TMEM26: variants seen among roughly 807,000 people sequenced by gnomAD.
TMEM26 encodes the protein transmembrane protein 26.
In TMEM26, 38 loss-of-function variants were observed where a neutral mutation model predicts 28.8. The observed-to-expected ratio is 1.32, with a 90% confidence interval of 1.02 to 1.73. TMEM26 has a LOEUF of 1.73. TMEM26 is among the 40% of genes most tolerant of loss of function. The pLI is 0.00. For synonymous variants in TMEM26, 227 were observed against 182.9 expected (o/e 1.24, Z -1.95); for missense variants, 518 against 447.1 (o/e 1.16, Z -1.43).
At chr10:61,431,753 G>A (rs1371851961) in intron 2 of TMEM26, among the ~76,000 whole-genome samples, 4 of 151,254 alleles carry the variant, frequency 2.6e-5, no homozygotes, top group Admixed American at 6.6e-5. Flanking sequence ...TTTAGGTTTT[G>A]GGGGTTCACG....
At chr10:61,451,855 G>A (rs1183274102) in intron 1 of TMEM26, among the ~76,000 whole-genome samples, 1 of 152,132 alleles carries the variant, frequency 6.6e-6, no homozygotes, top group African/African-American at 2.4e-5. Flanking sequence ...TTGTAGTTTA[G>A]TATGTAAAAC....
At position 61,420,474 on chromosome 10, in the gene TMEM26, G is replaced by A. The variant is rs181765800; in HGVS notation, c.606-6939C>T. 3.6e-3 allele frequency among the ~76,000 whole-genome samples: 553 copies of A among 152,108 alleles called. 1 individual carries two copies. Among genetic ancestry groups the A allele is most frequent in the Non-Finnish European group, 4.8e-3 (323 of 67,974 alleles). ...CAGTTCAAACTCATGTTATTCAAAG[G>A]TCAACTATAATGGCTAACTCTGGTC... On this transcript the variant is annotated intron_variant, in intron 4 of 5. Transcript: ENST00000399298.
rs199546375 is a variant in TMEM26, at chr10:61,410,556, C to T, written c.873G>A (p.Ala291=). The T allele has an allele frequency of 4.2e-5, 67 of 1,613,984 alleles. No homozygotes were observed. The Middle Eastern group carries it at 8.2e-4, about 20-fold the overall frequency. Residue 291 remains alanine (A), a synonymous_variant, in exon 6 of 6, where the codon GCG becomes GCA. Coordinates refer to ENST00000399298, the MANE Select transcript of TMEM26 (RefSeq NM_178505.8). ...VINQMLVFFA[A]KNFLVVVLQL... ...GCAACACCACCACGAGGAAGTTCTT[C>T]GCGGCAAAGAACACCAGCATCTGAT...
chr10:61,413,158 G>A (rs1457715816), intron 5 of TMEM26, among the ~76,000 whole-genome samples: 1 of 152,048 alleles, frequency 6.6e-6, no homozygotes, highest in Non-Finnish European at 1.5e-5. Context: ...AGAAAGCTGA[G>A]ACACAGATGT....
At chr10:61,420,676 C>A (rs1020710451) in intron 4 of TMEM26, among the ~76,000 whole-genome samples, 4 of 149,342 alleles carry the variant, frequency 2.7e-5, no homozygotes, top group African/African-American at 7.4e-5. Context: ...CTTTATATAG[C>A]AAAATTATCC....
intron 4 of TMEM26, among the ~76,000 whole-genome samples, chr10:61,418,201 G>T (rs1839685726): frequency 6.6e-6 from 1 of 151,936 alleles, no homozygotes; most frequent in Admixed American, 6.6e-5. Context: ...CAAGAACTAG[G>T]AAAACTTTTC....
At position 61,453,317 on chromosome 10, in the gene TMEM26, T is replaced by C. The variant is rs1840326876; in HGVS notation, c.-236A>G. On this transcript the variant is annotated 5_prime_UTR_variant, in exon 1 of 6. Coordinates refer to ENST00000399298, the MANE Select transcript of TMEM26 (RefSeq NM_178505.8). The stretch of plus-strand genomic sequence containing the variant: ...GAGTCCAAACCCAGCTTTTCCAGAC[T>C]GCTGGGTTTTCCAGGGAGTCTGGGG... 1 of 505,168 alleles carries C rather than the reference T, an allele frequency of 2.0e-6. No homozygotes were observed. Among genetic ancestry groups the C allele is most frequent in the Non-Finnish European group, 3.6e-6 (1 of 278,550 alleles). 31.3% of individuals were successfully genotyped at this position (505,168 alleles called of 1,614,324 possible). A position where few individuals can be genotyped will look rare whatever the true frequency, so the allele number is the denominator to read the frequency against.
chr10:61,444,746 TG>T (rs1840152198), intron 1 of TMEM26, among the ~76,000 whole-genome samples: 1 of 151,946 alleles, frequency 6.6e-6, no homozygotes. Context: ...ATGTAGTTAC[TG>T]TATACAAAAC....
chr10:61,429,128 T>C lies in TMEM26; in HGVS notation c.403A>G (p.Asn135Asp). 1 of 1,612,826 alleles carries C rather than the reference T, an allele frequency of 6.2e-7. No individual in the cohort carries two copies. The highest frequency in any genetic ancestry group is 8.5e-7 in the Non-Finnish European group (1 of 1,179,284). The change falls in exon 4 of 6, where the codon AAC (asparagine) becomes GAC (aspartate). Residue 135 changes from asparagine (N) to aspartate (D), a missense_variant. Asn to Asp is a conservative substitution (Grantham distance 23). Coordinates refer to ENST00000399298, the MANE Select transcript of TMEM26 (RefSeq NM_178505.8). ...LIETAKVFVN[N>D]LSTVCEKVWT... is the part of the protein sequence containing the mutation. ...ACTTTCTCACATACTGTAGATAAGT[T>C]ATTCACAAAAACTTTGGCCTGTTTA...
intron 4 of TMEM26, among the ~76,000 whole-genome samples, chr10:61,427,973 T>C (rs1184557379): frequency 6.6e-6 from 1 of 152,142 alleles, no homozygotes; most frequent in Non-Finnish European, 1.5e-5. Flanking sequence ...ATATGTCAAC[T>C]TAATAAGCTA....
rs1287980826 is a variant in TMEM26, at chr10:61,433,412, C to CT, written c.271-2081dup. Among the ~76,000 whole-genome samples, 5 of 152,002 alleles carry CT rather than the reference C, an allele frequency of 3.3e-5. No homozygotes were observed. In the East Asian group the frequency reaches 9.7e-4, roughly 29 times the overall value. On this transcript the variant is annotated intron_variant, in intron 2 of 5. Coordinates refer to ENST00000399298, the MANE Select transcript of TMEM26 (RefSeq NM_178505.8). ...ATAGATTATCTGGATACCAACATGC[C>CT]TTTTTTTAAAAAAAGGCTGTGTCTT... is the stretch of plus-strand genomic sequence containing the variant.
At chr10:61,452,830 G>C in intron 1 of TMEM26, 61 bp downstream of exon 1, 1 of 1,542,070 alleles carries the variant, frequency 6.5e-7, no homozygotes, top group Admixed American at 1.8e-5. Flanking sequence ...TGGCCTGCGA[G>C]TGCGGTGGGG....
At chr10:61,447,227 G>C (rs1840200090) in intron 1 of TMEM26, among the ~76,000 whole-genome samples, 1 of 152,210 alleles carries the variant, frequency 6.6e-6, no homozygotes, top group Admixed American at 6.5e-5. Context: ...GGAGGAGGAA[G>C]AGTTTTATTT....
intron 5 of TMEM26, among the ~76,000 whole-genome samples, chr10:61,412,559 T>A (rs903318468): frequency 1.3e-5 from 2 of 152,190 alleles, no homozygotes; most frequent in African/African-American, 4.8e-5. Context: ...AGAATTTCTT[T>A]GGAGTAAAGT....
At position 61,453,289 on chromosome 10, in the gene TMEM26, G is replaced by T; in HGVS notation, c.-208C>A. On this transcript the variant is annotated 5_prime_UTR_variant, in exon 1 of 6. Transcript: ENST00000399298. ...ACTTCCTGAGAACTCTTCAAAGAGGGGTGAGTCCAAACCCAGCTTTTCCAG... is the reference window on the plus strand; with the variant it reads ...ACTTCCTGAGAACTCTTCAAAGAGGTGTGAGTCCAAACCCAGCTTTTCCAG... 3.4e-6 allele frequency: 2 copies of T among 583,208 alleles called. No individual in the cohort carries two copies. Among genetic ancestry groups the T allele is most frequent in the Non-Finnish European group, 6.1e-6 (2 of 328,276 alleles). The allele number at this position is 583,208 out of a possible 1,614,324, so 36.1% of individuals were successfully genotyped here.
In TMEM26 at chr10:61,453,016, G is replaced by C; in HGVS notation, c.66C>G (p.Val22=). ...TCACCTCGGTCACTCGCCAGACCCC[G>C]ACCAGCGAGTGCAGCAGGAACAGCA... ...TRLLFLLHSL[V]GVWRVTEVKK... Residue 22 remains valine, a synonymous_variant, in exon 1 of 6, where the codon GTC becomes GTG. Coordinates refer to ENST00000399298, the MANE Select transcript of TMEM26 (RefSeq NM_178505.8). 1.2e-6 allele frequency: 2 copies of C among 1,613,890 alleles called. No individual in the cohort carries two copies. Among genetic ancestry groups the C allele is most frequent in the Non-Finnish European group, 1.7e-6 (2 of 1,180,022 alleles).
In TMEM26 at chr10:61,447,719, T is replaced by C. The variant is rs184447048; in HGVS notation, c.191+5172A>G. ...GGGTATGTCAGAAATATTTCAAGGC[T>C]CATGACGATTGCCCCTTTTGTTATC... On this transcript the variant is annotated intron_variant, in intron 1 of 5. Transcript: ENST00000399298. Among the ~76,000 whole-genome samples, 5 of 152,258 alleles carry C rather than the reference T, an allele frequency of 3.3e-5. No homozygotes were observed. In the East Asian group the frequency reaches 9.7e-4, roughly 29 times the overall value.
intron 4 of TMEM26, chr10:61,413,763 A>G: frequency 8.3e-7 from 1 of 1,204,592 alleles, no homozygotes; most frequent in African/African-American, 1.6e-5. Flanking sequence ...ATGAATTATG[A>G]CAAAGCCTCT....
At chr10:61,444,558 C>T (rs879567855) in intron 1 of TMEM26, among the ~76,000 whole-genome samples, 15 of 151,366 alleles carry the variant, frequency 9.9e-5, no homozygotes, top group Non-Finnish European at 1.8e-4. Context: ...GAGCCAGACA[C>T]TCTTGTATGT....
Sources: allele counts gnomAD v4.1 joint callset (sites outside exome capture counted in the v4.1 genomes callset), GRCh38; gene constraint gnomAD v4.1.1; transcripts MANE v1.5; gene names NCBI Gene and HGNC (gene_info 2026-07-23, HGNC 2026-07-21).